The following IQANK1 variants were observed in gnomAD, a reference collection of about 807,000 sequenced individuals.
IQANK1 encodes IQ motif and ankyrin repeat domain-containing protein 1.
A neutral mutation model predicts 22.6 loss-of-function variants in IQANK1; 30 were observed. The ratio of observed to expected loss-of-function variants is 1.33; its 90% CI spans 0.99 to 1.80. IQANK1 has a LOEUF of 1.80. IQANK1 is among the 40% of genes most tolerant of loss of function. The pLI is 0.00. For missense variants in IQANK1, 275 were observed against 235.2 expected (o/e 1.17, Z -1.11); for synonymous variants, 122 against 99.6 (o/e 1.23, Z -1.34).
chr8:143,765,340 G>A (rs1554629154), intron 3 of IQANK1, among the ~76,000 whole-genome samples: 2 of 151,642 alleles, frequency 1.3e-5, no homozygotes, highest in African/African-American at 4.9e-5. Flanking sequence ...CTGGGAGACA[G>A]AGTAAGACCT....
intron 3 of IQANK1, among the ~76,000 whole-genome samples, chr8:143,767,753 T>G (rs1369545564): frequency 6.6e-6 from 1 of 151,696 alleles, no homozygotes; most frequent in Non-Finnish European, 1.5e-5. Flanking sequence ...AGTGTGGTGG[T>G]GTATACCTGT....
At chr8:143,749,512 TA>T (rs1819142067) in intron 3 of IQANK1, among the ~76,000 whole-genome samples, 2 of 133,932 alleles carry the variant, frequency 1.5e-5, no homozygotes, top group African/African-American at 5.4e-5. Flanking sequence ...TATAAATATA[TA>T]AAAATATATA....
At chr8:143,789,934 G>C (rs532410467) in intron 11 of IQANK1, 37 bp from the exon 12 acceptor site, 3 of 1,231,978 alleles carry the variant, frequency 2.4e-6, no homozygotes, top group African/African-American at 1.5e-5. Flanking sequence ...GTCCGGCGTC[G>C]GGCTTGCCTG....
intron 3 of IQANK1, among the ~76,000 whole-genome samples, chr8:143,756,400 A>C (rs150252081): frequency 3.3e-5 from 5 of 152,038 alleles, no homozygotes; most frequent in African/African-American, 7.2e-5. Context: ...GCTTCCCAGG[A>C]TGCCATTGGT....
chr8:143,751,664 GTATA>G (rs71318622), intron 3 of IQANK1, among the ~76,000 whole-genome samples: 18 of 61,550 alleles, frequency 2.9e-4, no homozygotes, highest in African/African-American at 7.9e-4. Flanking sequence ...GTGTGTGTGT[GTATA>G]TATATATATA....
intron 7 of IQANK1, among the ~76,000 whole-genome samples, chr8:143,779,669 C>T (rs1554630784): frequency 6.6e-6 from 1 of 152,172 alleles, no homozygotes; most frequent in Non-Finnish European, 1.5e-5. Context: ...TCCGTCTACT[C>T]CAGTTCTTCC....
chr8:143,749,013 A>G (rs1819120797), intron 3 of IQANK1, among the ~76,000 whole-genome samples: 5 of 120,582 alleles, frequency 4.1e-5, no homozygotes, highest in Admixed American at 4.0e-4. Flanking sequence ...AATATATATC[A>G]TATATAAAAT....
chr8:143,771,155 G>T lies in IQANK1; in HGVS notation c.176-333G>T, dbSNP rs1819562582. Among the ~76,000 whole-genome samples the T allele has an allele frequency of 6.6e-6, 1 of 152,232 alleles. No individual in the cohort carries two copies. Among genetic ancestry groups the T allele is most frequent in the Non-Finnish European group, 1.5e-5 (1 of 68,032 alleles). ...ATGCAGGAGGGGCCTTCGGCTTTCAGGGAAGGGTGTCCCGCGGGGGACAGC... is the reference window on the plus strand; with the variant it reads ...ATGCAGGAGGGGCCTTCGGCTTTCATGGAAGGGTGTCCCGCGGGGGACAGC... On this transcript the variant is annotated intron_variant, in intron 3 of 13. Transcript: ENST00000527139. The surrounding 1 kb of genome is among the most constrained non-coding windows in gnomAD (Gnocchi z 6.0).
rs1194788744 is a variant in IQANK1, at chr8:143,758,521, C to T, written c.176-12967C>T. On this transcript the variant is annotated intron_variant, in intron 3 of 13. Coordinates refer to ENST00000527139, the MANE Select transcript of IQANK1 (RefSeq NM_001381874.1). The surrounding 1 kb of genome is among the most constrained non-coding windows in gnomAD (Gnocchi z 4.2). ...ATCTGGGTGAAGGGATGATTTAACTCATGAAACTTGAGAACACGAGAACAA... is the reference window on the plus strand; with the variant it reads ...ATCTGGGTGAAGGGATGATTTAACTTATGAAACTTGAGAACACGAGAACAA... 6.6e-6 allele frequency: 1 copy of T among 152,152 alleles called. No homozygotes were observed. Among genetic ancestry groups the T allele is most frequent in the African/African-American group, 2.4e-5 (1 of 41,426 alleles). 9.4% of individuals were successfully genotyped at this position (152,152 alleles called of 1,614,324 possible). A position where few individuals can be genotyped will look rare whatever the true frequency, so the allele number is the denominator to read the frequency against.
At chr8:143,784,640 C>G (rs781810721) in intron 7 of IQANK1, among the ~76,000 whole-genome samples, 8 of 152,176 alleles carry the variant, frequency 5.3e-5, no homozygotes, top group Non-Finnish European at 1.2e-4. Context: ...TAACAGGGGG[C>G]TTCTGCTAAC....
intron 3 of IQANK1, chr8:143,743,157 G>C (rs1237626644): frequency 3.2e-5 from 13 of 408,366 alleles, no homozygotes; most frequent in Non-Finnish European, 5.0e-6. Context: ...CCGTGCTGTG[G>C]GTTTCCTTCC....
intron 3 of IQANK1, 21 bp downstream of exon 3, chr8:143,739,969 C>T (rs782536542): frequency 2.9e-6 from 2 of 682,448 alleles, no homozygotes; most frequent in Middle Eastern, 3.2e-4. Context: ...GCACGTCCCG[C>T]GCCGCTGTGG....
intron 3 of IQANK1, among the ~76,000 whole-genome samples, chr8:143,763,636 G>A (rs1819434993): frequency 6.6e-6 from 1 of 152,188 alleles, no homozygotes; most frequent in East Asian, 1.9e-4. Flanking sequence ...CACTTGCCAT[G>A]GGGCACACCT....
chr8:143,740,429 G>A (rs918243914), intron 3 of IQANK1, among the ~76,000 whole-genome samples: 1 of 152,196 alleles, frequency 6.6e-6, no homozygotes, highest in Non-Finnish European at 1.5e-5. Flanking sequence ...ACCTTCCTCC[G>A]GGCCCGATAC....
chr8:143,780,554 T>C (rs926242237), intron 7 of IQANK1, among the ~76,000 whole-genome samples: 2 of 152,188 alleles, frequency 1.3e-5, no homozygotes, highest in Non-Finnish European at 2.9e-5. Flanking sequence ...TAGCTCCCGT[T>C]TACAGGTGAG....
intron 3 of IQANK1, among the ~76,000 whole-genome samples, chr8:143,756,978 A>AGG (rs1819305304): frequency 1.3e-5 from 2 of 150,442 alleles, no homozygotes; most frequent in Non-Finnish European, 3.0e-5. Context: ...ACCCTGTCTA[A>AGG]AAAAAAAAAA....
intron 3 of IQANK1, among the ~76,000 whole-genome samples, chr8:143,749,959 C>T (rs1819155937): frequency 6.7e-6 from 1 of 150,314 alleles, no homozygotes; most frequent in South Asian, 2.1e-4. Flanking sequence ...ATATAATGTC[C>T]TTCTTTGTCT....
chr8:143,764,157 G>A (rs1554629054), intron 3 of IQANK1, among the ~76,000 whole-genome samples: 2 of 152,066 alleles, frequency 1.3e-5, no homozygotes, highest in East Asian at 1.9e-4. Context: ...AGGACTCGGC[G>A]GCAGAGGATT....
At position 143,774,323 on chromosome 8, in the gene IQANK1, G is replaced by T. The variant is rs541112843; in HGVS notation, c.789+1841G>T. Among the ~76,000 whole-genome samples, 2 of 152,304 alleles carry T rather than the reference G, an allele frequency of 1.3e-5. No homozygotes were observed. The highest frequency in any genetic ancestry group is 4.1e-4 in the South Asian group (2 of 4,826). On this transcript the variant is annotated intron_variant, in intron 7 of 13. Coordinates refer to ENST00000527139, the MANE Select transcript of IQANK1 (RefSeq NM_001381874.1). The surrounding 1 kb of genome is among the most constrained non-coding windows in gnomAD (Gnocchi z 4.2). Reference sequence around the variant, plus strand: ...GCATCTGGCAAGGCACGTGTACCTAGAACATAGAAAAAACTCACATCGCAA... The same window carrying T: ...GCATCTGGCAAGGCACGTGTACCTATAACATAGAAAAAACTCACATCGCAA...
Sources: allele counts gnomAD v4.1 joint callset (sites outside exome capture counted in the v4.1 genomes callset), GRCh38; gene constraint gnomAD v4.1.1; non-coding constraint Gnocchi (gnomAD v3.1); transcripts MANE v1.5; gene names NCBI Gene and HGNC (gene_info 2026-07-23, HGNC 2026-07-21).